The following NAP1L1 variants were observed in gnomAD, a reference collection of about 807,000 sequenced individuals.
NAP1L1 encodes the protein nucleosome assembly protein 1 like 1.
A neutral mutation model predicts 58.9 loss-of-function variants in NAP1L1; 9 were observed. The ratio of observed to expected loss-of-function variants is 0.15; its 90% CI spans 0.09 to 0.27. The LOEUF is 0.27. Among genes scored for constraint, NAP1L1 ranks in the 10% least tolerant of loss-of-function variants. The pLI is 1.00. For synonymous variants in NAP1L1, 130 were observed against 138.3 expected (o/e 0.94, Z 0.42); for missense variants, 302 against 458.8 (o/e 0.66, Z 3.12).
intron 2 of NAP1L1, among the ~76,000 whole-genome samples, chr12:76,073,558 C>T (rs968985424): frequency 1.3e-5 from 2 of 152,128 alleles, no homozygotes; most frequent in African/African-American, 4.8e-5. Context: ...GTCTTTCTTC[C>T]TTGTTATCCT....
At position 76,060,057 on chromosome 12, in the gene NAP1L1, T is replaced by C. The variant is rs75055337; in HGVS notation, c.348+81A>G. On this transcript the variant is annotated intron_variant, in intron 5 of 14. Transcript: ENST00000618691. ...ACAATTTCAATGAGAGTTCTAAAGATTAACCTCTTCCAAGTCTGCTTATGT... is the reference window on the plus strand; with the variant it reads ...ACAATTTCAATGAGAGTTCTAAAGACTAACCTCTTCCAAGTCTGCTTATGT... 2,849 of 1,450,618 alleles carry C rather than the reference T, an allele frequency of 2.0e-3. 38 individuals are homozygous for C. The African/African-American group carries it at 0.035, about 18-fold the overall frequency. 89.9% of individuals were successfully genotyped at this position (1,450,618 alleles called of 1,614,324 possible). A position where few individuals can be genotyped will look rare whatever the true frequency, so the allele number is the denominator to read the frequency against.
intron 2 of NAP1L1, among the ~76,000 whole-genome samples, chr12:76,069,355 C>G (rs1347449016): frequency 6.6e-6 from 1 of 152,194 alleles, no homozygotes; most frequent in African/African-American, 2.4e-5. Context: ...TGGCAACACA[C>G]CAAGCTAAAA....
intron 8 of NAP1L1, 89 bp downstream of exon 8, chr12:76,054,930 C>T (rs1473550683): frequency 4.4e-6 from 4 of 907,880 alleles, no homozygotes; most frequent in South Asian, 1.8e-5. Context: ...GAGCACCAAC[C>T]TTACCCTTGA....
At chr12:76,083,697 C>T (rs1845082301) in intron 1 of NAP1L1, 7 of 152,168 alleles carry the variant, frequency 4.6e-5, no homozygotes, top group Admixed American at 4.6e-4. Context: ...TACGCGTTAA[C>T]TTTTTAAAAT....
intron 4 of NAP1L1, chr12:76,060,957 G>T: frequency 3.0e-6 from 1 of 332,088 alleles, no homozygotes; most frequent in Non-Finnish European, 6.0e-6. Flanking sequence ...GCTGGGTGTG[G>T]TGGTGCATGC....
At chr12:76,050,770 T>C in intron 11 of NAP1L1, 117 bp from the exon 12 acceptor site, 2 of 1,080,934 alleles carry the variant, frequency 1.9e-6, no homozygotes, top group Non-Finnish European at 2.6e-6. Flanking sequence ...TCCCAACACT[T>C]CAGGAGGCCA....
intron 6 of NAP1L1, chr12:76,056,613 T>C (rs868455220): frequency 2.2e-6 from 1 of 455,890 alleles, no homozygotes; most frequent in African/African-American, 2.0e-5. Flanking sequence ...CATTATTCAT[T>C]GTGGGCAAGT....
intron 6 of NAP1L1, chr12:76,056,704 T>C: frequency 6.8e-6 from 3 of 443,728 alleles, no homozygotes; most frequent in South Asian, 4.8e-5. Context: ...AAAAAGAATA[T>C]AATGAATCTA....
chr12:76,053,279 C>G lies in NAP1L1; in HGVS notation c.842G>C (p.Gly281Ala). 4 of 1,613,974 alleles carry G rather than the reference C, an allele frequency of 2.5e-6. No individual in the cohort carries two copies. The highest frequency in any genetic ancestry group is 3.4e-6 in the Non-Finnish European group (4 of 1,179,930). ...AGTCACAGTACGAACTGTCCCACGT[C>G]CCTTGTGTTTCTGCTTCTTCTTAAT... is the stretch of plus-strand genomic sequence containing the variant. ...KTIKKKQKHK[G>A]RGTVRTVTKT... Residue 281 changes from glycine (G) to alanine (A), a missense_variant, in exon 10 of 15, where the codon GGA (glycine) becomes GCA (alanine). Gly to Ala is a moderately conservative substitution (Grantham distance 60). Coordinates refer to ENST00000618691, the MANE Select transcript of NAP1L1 (RefSeq NM_004537.7).
rs773935200 is a variant in NAP1L1, at chr12:76,044,985, T to G, written c.*3444A>C. 6 of 152,154 alleles carry G rather than the reference T, an allele frequency of 3.9e-5. No individual in the cohort carries two copies. Among genetic ancestry groups the G allele is most frequent in the Non-Finnish European group, 8.8e-5 (6 of 67,990 alleles). 9.4% of individuals were successfully genotyped at this position (152,154 alleles called of 1,614,324 possible). On this transcript the variant is annotated 3_prime_UTR_variant, in exon 15 of 15. Transcript: ENST00000618691. ...ATCTATTAAGTTAACTGCAGTATTA[T>G]TTCACCATCACCATTTACATGTACT...
chr12:76,053,145 G>T (rs1018873581), intron 10 of NAP1L1, 35 bp from the exon 11 acceptor site: 1 of 1,611,954 alleles, frequency 6.2e-7, no homozygotes, highest in Non-Finnish European at 8.5e-7. Flanking sequence ...CAATGAATAA[G>T]AAGCTAAGCA....
intron 4 of NAP1L1, among the ~76,000 whole-genome samples, chr12:76,064,192 C>A (rs1010662455): frequency 6.6e-6 from 1 of 151,796 alleles, no homozygotes; most frequent in African/African-American, 2.4e-5. Flanking sequence ...AAAATTATGA[C>A]CCCCCCAAAA....
chr12:76,048,126 T>C lies in NAP1L1; in HGVS notation c.*303A>G. 1 of 361,910 alleles carries C rather than the reference T, an allele frequency of 2.8e-6. No individual in the cohort carries two copies. Among genetic ancestry groups the C allele is most frequent in the Non-Finnish European group, 4.9e-6 (1 of 202,536 alleles). The allele number at this position is 361,910 out of a possible 1,614,324, so 22.4% of individuals were successfully genotyped here. A position where few individuals can be genotyped will look rare whatever the true frequency, so the allele number is the denominator to read the frequency against. On this transcript the variant is annotated 3_prime_UTR_variant, in exon 15 of 15. Coordinates refer to ENST00000618691, the MANE Select transcript of NAP1L1 (RefSeq NM_004537.7). ...CAAAAAAAAAAAAAAGGTATTTCCT[T>C]TAACAGTTGTTAATTTTCATAGCTG...
intron 2 of NAP1L1, among the ~76,000 whole-genome samples, chr12:76,072,063 G>A (rs375491878): frequency 1.3e-5 from 2 of 150,660 alleles, no homozygotes; most frequent in African/African-American, 2.4e-5. Flanking sequence ...CCACTCCAAC[G>A]CTCAAATTTT....
chr12:76,068,747 C>CACACACACACAA (rs1949804054), intron 3 of NAP1L1, 162 bp downstream of exon 3: 1 of 531,706 alleles, frequency 1.9e-6, no homozygotes, highest in African/African-American at 2.4e-5. Context: ...CACACACACA[C>CACACACACACAA]ACACACACAC....
At chr12:76,079,982 T>C (rs957483941) in intron 1 of NAP1L1, among the ~76,000 whole-genome samples, 6 of 152,218 alleles carry the variant, frequency 3.9e-5, no homozygotes, top group African/African-American at 7.2e-5. Context: ...CCACCACACC[T>C]GGCCTCCTGA....
chr12:76,069,116 A>G, intron 2 of NAP1L1, 122 bp from the exon 3 acceptor site: 1 of 711,060 alleles, frequency 1.4e-6, no homozygotes, highest in South Asian at 1.8e-5. Flanking sequence ...TAGGAAATTC[A>G]AAAGGTAATT....
At chr12:76,068,523 G>A (rs1464834727) in intron 3 of NAP1L1, 1 of 154,666 alleles carries the variant, frequency 6.5e-6, no homozygotes, top group East Asian at 1.9e-4. Flanking sequence ...GCTTGAAGGA[G>A]TGGATCTTTA....
At chr12:76,070,663 A>G (rs1949912811) in intron 2 of NAP1L1, among the ~76,000 whole-genome samples, 1 of 152,208 alleles carries the variant, frequency 6.6e-6, no homozygotes, top group South Asian at 2.1e-4. Context: ...CTGCTTTCAC[A>G]CTACATCAGC....
Sources: allele counts gnomAD v4.1 joint callset (sites outside exome capture counted in the v4.1 genomes callset), GRCh38; gene constraint gnomAD v4.1.1; transcripts MANE v1.5; gene names NCBI Gene and HGNC (gene_info 2026-07-23, HGNC 2026-07-21).